Variants in DUSP16 observed in about 807,000 individuals in gnomAD.
DUSP16 encodes dual specificity phosphatase 16.
In DUSP16, 21 loss-of-function variants were observed where a neutral mutation model predicts 58.3. The ratio of observed to expected loss-of-function variants is 0.36; its 90% CI spans 0.26 to 0.52. The LOEUF (loss-of-function observed/expected upper bound fraction) is 0.52. DUSP16 is among the 20% of genes least tolerant of loss of function. The pLI is 0.94. For missense variants in DUSP16, 726 were observed against 819.0 expected (o/e 0.89, Z 1.39); for synonymous variants, 320 against 323.8 (o/e 0.99, Z 0.12).
At chr12:12,552,674 A>C (rs1256928729) in intron 1 of DUSP16, among the ~76,000 whole-genome samples, 1 of 152,188 alleles carries the variant, frequency 6.6e-6, no homozygotes, top group African/African-American at 2.4e-5. Context: ...AAATATACTA[A>C]AGAGAATGGC....
chr12:12,504,042 C>A (rs963496262), intron 3 of DUSP16, among the ~76,000 whole-genome samples: 1 of 152,142 alleles, frequency 6.6e-6, no homozygotes, highest in Non-Finnish European at 1.5e-5. Context: ...TGTTTCTATT[C>A]GTGTTTTGTT....
intron 1 of DUSP16, among the ~76,000 whole-genome samples, chr12:12,560,275 T>C (rs901970599): frequency 2.0e-5 from 3 of 152,216 alleles, no homozygotes; most frequent in Admixed American, 6.5e-5. Context: ...TTACATTTTT[T>C]ATCTGAATGT....
At position 12,474,587 on chromosome 12, in the gene DUSP16, C is replaced by G. The variant is rs1447683385; in HGVS notation, c.*2246G>C. On this transcript the variant is annotated 3_prime_UTR_variant, in exon 7 of 7. Coordinates refer to ENST00000298573, the MANE Select transcript of DUSP16 (RefSeq NM_030640.3). ...GGCCACCCCTTCGCCACGGCAGTCT[C>G]GATTCCAAGAACTGATTATCTGACA... 1 of 152,296 alleles carries G rather than the reference C, an allele frequency of 6.6e-6. No individual in the cohort carries two copies. The highest frequency in any genetic ancestry group is 2.4e-5 in the African/African-American group (1 of 41,444). 9.4% of individuals were successfully genotyped at this position (152,296 alleles called of 1,614,324 possible).
chr12:12,511,436 A>G (rs1944078203), intron 3 of DUSP16, among the ~76,000 whole-genome samples: 1 of 152,134 alleles, frequency 6.6e-6, no homozygotes, highest in Non-Finnish European at 1.5e-5. Flanking sequence ...TCTCCTTCAC[A>G]AAAAATCCAC....
chr12:12,487,854 C>T (rs1280850348), intron 4 of DUSP16, among the ~76,000 whole-genome samples: 2 of 152,172 alleles, frequency 1.3e-5, no homozygotes, highest in Admixed American at 1.3e-4. Context: ...ATCGACCCAG[C>T]CAACTAAGCT....
chr12:12,519,246 T>G (rs1944195378), intron 3 of DUSP16, among the ~76,000 whole-genome samples: 1 of 152,260 alleles, frequency 6.6e-6, no homozygotes, highest in Non-Finnish European at 1.5e-5. Context: ...ACACACTTTA[T>G]AAGATCATCT....
At chr12:12,547,963 G>A (rs1035276900) in intron 1 of DUSP16, among the ~76,000 whole-genome samples, 6 of 152,182 alleles carry the variant, frequency 3.9e-5, no homozygotes, top group African/African-American at 1.4e-4. Flanking sequence ...GGAAGAAGAA[G>A]AGAATCAACC....
At chr12:12,556,387 C>T (rs1203468106) in intron 1 of DUSP16, among the ~76,000 whole-genome samples, 1 of 151,904 alleles carries the variant, frequency 6.6e-6, no homozygotes, top group Non-Finnish European at 1.5e-5. Flanking sequence ...GTGAGACCCC[C>T]ATCTCTATAA....
At chr12:12,537,228 A>G (rs937126467) in intron 1 of DUSP16, among the ~76,000 whole-genome samples, 3 of 152,230 alleles carry the variant, frequency 2.0e-5, no homozygotes, top group Non-Finnish European at 4.4e-5. Context: ...GTCATGAAAA[A>G]AAGATGTGGA....
chr12:12,501,305 C>T (rs1478075822), intron 3 of DUSP16, among the ~76,000 whole-genome samples: 2 of 152,186 alleles, frequency 1.3e-5, no homozygotes, highest in African/African-American at 2.4e-5. Flanking sequence ...TCTCAGCAAG[C>T]ACTATAAAGA....
At chr12:12,539,618 T>C (rs968507022) in intron 1 of DUSP16, among the ~76,000 whole-genome samples, 1 of 152,158 alleles carries the variant, frequency 6.6e-6, no homozygotes, top group Non-Finnish European at 1.5e-5. Context: ...CCCTTTAGAA[T>C]TCCTCTCTAA....
chr12:12,477,194 G>T lies in DUSP16; in HGVS notation c.1637C>A (p.Pro546His), dbSNP rs1445657027. ...GGTCAGGGAAGGGGTAGAGGTCTGG[G>T]GGGCCAAGATATCCGAGTGCCAGCC... Reference protein sequence around the residue: ...LKGWHSDILAPQTSTPSLTSS... With the variant: ...LKGWHSDILAHQTSTPSLTSS... The change falls in exon 7 of 7, where the codon CCC becomes CAC. Residue 546 changes from proline to histidine, a missense_variant. Transcript: ENST00000298573. The surrounding 1 kb of genome is among the most constrained non-coding windows in gnomAD (Gnocchi z 4.1). 2.5e-6 allele frequency: 4 copies of T among 1,614,128 alleles called. No individual in the cohort carries two copies. The highest frequency in any genetic ancestry group is 3.4e-6 in the Non-Finnish European group (4 of 1,180,050).
chr12:12,511,083 T>C (rs1293309889), intron 3 of DUSP16, among the ~76,000 whole-genome samples: 3 of 152,230 alleles, frequency 2.0e-5, no homozygotes, highest in African/African-American at 7.2e-5. Flanking sequence ...TGGGAAGTGA[T>C]GTAATCTGAA....
chr12:12,552,169 G>T (rs1235321541), intron 1 of DUSP16, among the ~76,000 whole-genome samples: 1 of 152,096 alleles, frequency 6.6e-6, no homozygotes, highest in African/African-American at 2.4e-5. Context: ...GAATCTGGCT[G>T]GGAGCGGTGG....
At chr12:12,556,251 C>T (rs370916590) in intron 1 of DUSP16, among the ~76,000 whole-genome samples, 182 of 152,078 alleles carry the variant, frequency 1.2e-3, no homozygotes, top group South Asian at 0.011. Flanking sequence ...AATCCTTTAC[C>T]TCAATTTCAC....
chr12:12,478,003 T>A lies in DUSP16; in HGVS notation c.828A>T (p.Glu276Asp). Residue 276 changes from glutamate to aspartate, a missense_variant, in exon 7 of 7, where the codon GAA becomes GAT. Physicochemically the swap from Glu to Asp is conservative, Grantham distance 45. Transcript: ENST00000298573. Reference sequence around the variant, plus strand: ...AGTTTGGAGATATAGTAGGTCTTTTTTCTTTCACAAATCTGCAGAGAGAGG... The same window carrying A: ...AGTTTGGAGATATAGTAGGTCTTTTATCTTTCACAAATCTGCAGAGAGAGG... ...SLDEAYRFVK[E>D]KRPTISPNFN... 1 of 1,578,274 alleles carries A rather than the reference T, an allele frequency of 6.3e-7. No homozygotes were observed. The highest frequency in any genetic ancestry group is 8.6e-7 in the Non-Finnish European group (1 of 1,162,828).
chr12:12,533,718 T>C (rs1944425040), intron 1 of DUSP16, among the ~76,000 whole-genome samples: 1 of 152,130 alleles, frequency 6.6e-6, no homozygotes, highest in Non-Finnish European at 1.5e-5. Context: ...AGGTTATTGT[T>C]TTTAAAAGAT....
intron 3 of DUSP16, among the ~76,000 whole-genome samples, chr12:12,518,992 A>C (rs530124242): frequency 6.6e-6 from 1 of 152,306 alleles, no homozygotes; most frequent in African/African-American, 2.4e-5. Flanking sequence ...TTTTTCTTAG[A>C]CCAAATGTTT....
At chr12:12,517,165 A>G (rs983017210) in intron 3 of DUSP16, among the ~76,000 whole-genome samples, 1 of 152,254 alleles carries the variant, frequency 6.6e-6, no homozygotes, top group African/African-American at 2.4e-5. Flanking sequence ...CCTCACTGCC[A>G]TAGCTAATGA....
Sources: gnomAD v4.1 joint callset for allele counts (sites outside exome capture counted in the v4.1 genomes callset) on GRCh38, gnomAD v4.1.1 for gene constraint, Gnocchi (gnomAD v3.1) non-coding constraint, MANE v1.5 for transcripts, NCBI Gene and HGNC (gene_info 2026-07-23, HGNC 2026-07-21) for gene names.